The following CTNNA3 variants were observed in gnomAD, a reference collection of about 807,000 sequenced individuals.
CTNNA3 encodes the protein catenin alpha 3, also known as catenin alpha-3.
Under a neutral mutation model 95.7 loss-of-function variants are expected in CTNNA3, and 76 were observed. That is an observed-to-expected ratio of 0.79 (90% CI 0.66 to 0.96). CTNNA3 has a LOEUF of 0.96. CTNNA3 is among the 40% of genes least tolerant of loss of function. The pLI is 0.00. For synonymous variants in CTNNA3, 431 were observed against 374.4 expected, an observed-to-expected ratio of 1.15 and a Z score of -1.74; for missense variants, 1,191 against 1,089.8, an observed-to-expected ratio of 1.09 and a Z score of -1.31.
At chr10:67,545,081 A>T (rs970347355) in intron 3 of CTNNA3, among the ~76,000 whole-genome samples, 23 of 144,140 alleles carry the variant, frequency 1.6e-4, no homozygotes, top group African/African-American at 4.8e-4. Context: ...GTGTTTTTTT[A>T]TTATTATACT....
intron 3 of CTNNA3, among the ~76,000 whole-genome samples, chr10:67,602,012 T>C (rs1843098423): frequency 6.6e-6 from 1 of 152,188 alleles, no homozygotes; most frequent in Non-Finnish European, 1.5e-5. Context: ...ACATAAATTA[T>C]AGTATGTCTT....
chr10:66,919,343 A>T (rs376171742), intron 7 of CTNNA3, among the ~76,000 whole-genome samples: 6 of 152,268 alleles, frequency 3.9e-5, no homozygotes, highest in African/African-American at 1.4e-4. Context: ...AGGAAGAAAA[A>T]AAAGTATTTC....
intron 10 of CTNNA3, among the ~76,000 whole-genome samples, chr10:66,582,743 T>C (rs920844566): frequency 1.3e-5 from 2 of 151,884 alleles, no homozygotes; most frequent in Admixed American, 6.6e-5. Context: ...CTTTGAACTT[T>C]TTCTCATTCA....
intron 7 of CTNNA3, among the ~76,000 whole-genome samples, chr10:66,826,355 C>T (rs1842515170): frequency 6.6e-6 from 1 of 152,136 alleles, no homozygotes; most frequent in South Asian, 2.1e-4. Context: ...CAGTTCACTG[C>T]AGCCTCAACC....
chr10:66,293,366 G>A (rs1178662847), intron 12 of CTNNA3, among the ~76,000 whole-genome samples: 1 of 151,938 alleles, frequency 6.6e-6, no homozygotes, highest in Non-Finnish European at 1.5e-5. Flanking sequence ...ATCATATAAA[G>A]CTTCAGAGAC....
At chr10:67,231,464 C>A (rs1474052276) in intron 5 of CTNNA3, among the ~76,000 whole-genome samples, 2 of 152,146 alleles carry the variant, frequency 1.3e-5, no homozygotes, top group African/African-American at 4.8e-5. Context: ...AGCTGAGGGT[C>A]CTGTCTGTTA....
At chr10:66,474,039 G>A (rs1839232848) in intron 11 of CTNNA3, among the ~76,000 whole-genome samples, 1 of 152,050 alleles carries the variant, frequency 6.6e-6, no homozygotes, top group South Asian at 2.1e-4. Flanking sequence ...CCAGTAAAGG[G>A]ATGTTATAGC....
At chr10:66,251,925 T>C (rs1174445038) in intron 13 of CTNNA3, among the ~76,000 whole-genome samples, 1 of 152,184 alleles carries the variant, frequency 6.6e-6, no homozygotes, top group Non-Finnish European at 1.5e-5. Context: ...CCTAACATAA[T>C]ACAACTACTA....
chr10:67,429,919 T>G (rs1846053134), intron 5 of CTNNA3, among the ~76,000 whole-genome samples: 1 of 151,968 alleles, frequency 6.6e-6, no homozygotes, highest in African/African-American at 2.4e-5. Context: ...GAAAAAAAGA[T>G]CTCTGTCTCT....
At chr10:66,312,561 T>TC (rs2092036183) in intron 12 of CTNNA3, among the ~76,000 whole-genome samples, 1 of 152,000 alleles carries the variant, frequency 6.6e-6, no homozygotes, top group African/African-American at 2.4e-5. Flanking sequence ...ATTGTTTTTT[T>TC]TTTTTAGACA....
intron 9 of CTNNA3, among the ~76,000 whole-genome samples, chr10:66,712,253 T>C (rs1379425456): frequency 6.6e-6 from 1 of 152,120 alleles, no homozygotes; most frequent in Non-Finnish European, 1.5e-5. Context: ...AGACAGGGAA[T>C]ATCCAAAAAT....
chr10:66,711,320 C>T (rs1275904463), intron 9 of CTNNA3, among the ~76,000 whole-genome samples: 2 of 150,206 alleles, frequency 1.3e-5, no homozygotes, highest in South Asian at 4.2e-4. Context: ...TCATCATGAC[C>T]TTTAGCTTCA....
chr10:66,464,848 A>G (rs532938221), intron 11 of CTNNA3, among the ~76,000 whole-genome samples: 3 of 152,236 alleles, frequency 2.0e-5, no homozygotes, highest in Non-Finnish European at 2.9e-5. Flanking sequence ...GCTAATTGGA[A>G]TGGAGAATTT....
chr10:66,541,507 T>C (rs1841850082), intron 10 of CTNNA3, among the ~76,000 whole-genome samples: 3 of 152,168 alleles, frequency 2.0e-5, no homozygotes, highest in African/African-American at 7.2e-5. Context: ...AGTTCCTATA[T>C]TGAATGCATT....
At chr10:67,586,037 G>C (rs184819774) in intron 3 of CTNNA3, among the ~76,000 whole-genome samples, 2 of 151,854 alleles carry the variant, frequency 1.3e-5, no homozygotes, top group Non-Finnish European at 2.9e-5. Context: ...ATTTTCATTT[G>C]TTTCAAAAAA....
intron 13 of CTNNA3, among the ~76,000 whole-genome samples, chr10:66,259,746 C>G (rs530099149): frequency 6.6e-6 from 1 of 152,208 alleles, no homozygotes; most frequent in East Asian, 1.9e-4. Context: ...ACTATATTGA[C>G]TATTACATAA....
At chr10:67,341,295 C>CT (rs997554653) in intron 5 of CTNNA3, among the ~76,000 whole-genome samples, 13 of 151,394 alleles carry the variant, frequency 8.6e-5, no homozygotes, top group African/African-American at 2.4e-4. Flanking sequence ...ATTCTTTCTA[C>CT]TTTTTTTTTG....
At chr10:66,806,418 G>A (rs1199988884) in intron 7 of CTNNA3, among the ~76,000 whole-genome samples, 1 of 151,980 alleles carries the variant, frequency 6.6e-6, no homozygotes, top group African/African-American at 2.4e-5. Flanking sequence ...CACACATTGA[G>A]TGGCAGAACC....
At chr10:67,690,653 C>T (rs954549309) in intron 1 of CTNNA3, among the ~76,000 whole-genome samples, 6 of 152,188 alleles carry the variant, frequency 3.9e-5, no homozygotes, top group Non-Finnish European at 5.9e-5. Flanking sequence ...GGTGCATTTA[C>T]AATCCCTTAG....
Sources: allele counts gnomAD v4.1 joint callset (sites outside exome capture counted in the v4.1 genomes callset), GRCh38; gene constraint gnomAD v4.1.1; transcripts MANE v1.5; gene names NCBI Gene and HGNC (gene_info 2026-07-23, HGNC 2026-07-21).